AGBL4: variants seen among roughly 807,000 people sequenced by gnomAD.
AGBL4 encodes the protein cytosolic carboxypeptidase 6.
Under a neutral mutation model 66.4 loss-of-function variants are expected in AGBL4, and 58 were observed. That is an observed-to-expected ratio of 0.87 (90% confidence interval 0.71 to 1.09). The LOEUF (loss-of-function observed/expected upper bound fraction) is 1.09. AGBL4 is among the 50% of genes least tolerant of loss of function. The probability of loss-of-function intolerance (pLI) is 0.00; values close to 1 mark genes in which losing one functional copy is unlikely to be tolerated. For missense variants in AGBL4, 579 were observed against 631.0 expected, an observed-to-expected ratio of 0.92 and a Z score of 0.88; for synonymous variants, 234 against 222.9, an observed-to-expected ratio of 1.05 and a Z score of -0.44.
intron 1 of AGBL4, among the ~76,000 whole-genome samples, chr1:49,860,228 A>C (rs1322423695): frequency 6.6e-6 from 1 of 152,254 alleles, no homozygotes; most frequent in Non-Finnish European, 1.5e-5. Flanking sequence ...AAACTAAAAA[A>C]AATCAAAGCA....
chr1:49,293,429 A>C (rs1006257590), intron 3 of AGBL4, among the ~76,000 whole-genome samples: 3 of 152,252 alleles, frequency 2.0e-5, no homozygotes, highest in African/African-American at 4.8e-5. Flanking sequence ...TTCTGGCCAG[A>C]AAAACAACAA....
At chr1:48,556,173 A>G (rs1394119269) in intron 11 of AGBL4, among the ~76,000 whole-genome samples, 2 of 152,184 alleles carry the variant, frequency 1.3e-5, no homozygotes, top group South Asian at 2.1e-4. Context: ...AAAGCTGACA[A>G]TGATCCCACT....
At chr1:49,659,609 T>C (rs926195438) in intron 3 of AGBL4, among the ~76,000 whole-genome samples, 2 of 152,126 alleles carry the variant, frequency 1.3e-5, no homozygotes, top group African/African-American at 4.8e-5. Flanking sequence ...CCATCCTAAG[T>C]ATACACACAC....
intron 6 of AGBL4, among the ~76,000 whole-genome samples, chr1:48,823,482 T>C (rs923105534): frequency 6.6e-6 from 1 of 152,318 alleles, no homozygotes; most frequent in Non-Finnish European, 1.5e-5. Context: ...CCTGATTCTC[T>C]CCTTCTTCTT....
At chr1:49,448,043 T>C (rs1333247221) in intron 3 of AGBL4, among the ~76,000 whole-genome samples, 1 of 152,116 alleles carries the variant, frequency 6.6e-6, no homozygotes, top group African/African-American at 2.4e-5. Flanking sequence ...GAGTCAATGG[T>C]ATTTTCTCAT....
Position 48,874,201 on chromosome 1 carries a change from T to C in AGBL4, c.595-6971A>G, listed in dbSNP as rs2148832845. Reference sequence around the variant, plus strand: ...CGCCACAGGGGCATAAGCACACATTTGGCTTCAGGGCTCAAGCCCTTTCCT... The same window carrying C: ...CGCCACAGGGGCATAAGCACACATTCGGCTTCAGGGCTCAAGCCCTTTCCT... On this transcript the variant is annotated intron_variant, in intron 5 of 13. Transcript: ENST00000371839. 1.3e-5 allele frequency among the ~76,000 whole-genome samples: 2 copies of C among 152,294 alleles called. 1 individual carries two copies. The highest frequency in any genetic ancestry group is 4.1e-4 in the South Asian group (2 of 4,826).
intron 3 of AGBL4, among the ~76,000 whole-genome samples, chr1:49,344,908 T>G (rs1378157693): frequency 6.6e-6 from 1 of 152,204 alleles, no homozygotes; most frequent in African/African-American, 2.4e-5. Flanking sequence ...GTTTCACCTT[T>G]TCAGAATCTT....
At chr1:49,705,723 C>A (rs1279943913) in intron 2 of AGBL4, among the ~76,000 whole-genome samples, 3 of 151,782 alleles carry the variant, frequency 2.0e-5, no homozygotes, top group African/African-American at 7.3e-5. Context: ...CCATCATTAC[C>A]TAGTTTATTG....
At chr1:48,678,181 T>TA (rs1175460746) in intron 6 of AGBL4, among the ~76,000 whole-genome samples, 2 of 151,942 alleles carry the variant, frequency 1.3e-5, no homozygotes, top group Non-Finnish European at 1.5e-5. Context: ...CACGGTGGGG[T>TA]AACTGCACAG....
At chr1:49,391,120 C>A (rs1239593382) in intron 3 of AGBL4, among the ~76,000 whole-genome samples, 1 of 152,148 alleles carries the variant, frequency 6.6e-6, no homozygotes, top group Non-Finnish European at 1.5e-5. Context: ...CAGATCCTAG[C>A]ACTCTGTGGG....
chr1:48,657,600 A>G (rs1054114252), intron 7 of AGBL4, among the ~76,000 whole-genome samples: 2 of 152,170 alleles, frequency 1.3e-5, no homozygotes, highest in African/African-American at 4.8e-5. Flanking sequence ...CATGATAGTG[A>G]CCTGCAGGGG....
At chr1:49,486,840 T>A (rs1044247419) in intron 3 of AGBL4, among the ~76,000 whole-genome samples, 3 of 152,024 alleles carry the variant, frequency 2.0e-5, no homozygotes, top group Non-Finnish European at 4.4e-5. Flanking sequence ...GCTAGCCCCA[T>A]GTCTGTGTCT....
At chr1:49,860,140 A>C (rs1646532144) in intron 1 of AGBL4, among the ~76,000 whole-genome samples, 1 of 152,210 alleles carries the variant, frequency 6.6e-6, no homozygotes, top group African/African-American at 2.4e-5. Flanking sequence ...AATTCTCCAT[A>C]TATCGATCTA....
chr1:48,955,284 T>C (rs1657344631), intron 5 of AGBL4, among the ~76,000 whole-genome samples: 1 of 152,182 alleles, frequency 6.6e-6, no homozygotes, highest in African/African-American at 2.4e-5. Context: ...TTTTGATAAG[T>C]GGTCACCCTT....
intron 3 of AGBL4, among the ~76,000 whole-genome samples, chr1:49,347,278 G>A (rs1570486296): frequency 1.5e-5 from 2 of 134,740 alleles, no homozygotes; most frequent in African/African-American, 5.6e-5. Flanking sequence ...TTGAGATGGA[G>A]TCTTGCTCTG....
At chr1:49,815,632 C>A (rs559482417) in intron 2 of AGBL4, among the ~76,000 whole-genome samples, 2 of 152,220 alleles carry the variant, frequency 1.3e-5, no homozygotes, top group East Asian at 3.9e-4. Flanking sequence ...TTCTCATCAA[C>A]AGTATATGAG....
intron 9 of AGBL4, among the ~76,000 whole-genome samples, chr1:48,606,690 G>A (rs778595720): frequency 6.6e-6 from 1 of 152,148 alleles, no homozygotes; most frequent in Non-Finnish European, 1.5e-5. Flanking sequence ...TGGTGGTTTA[G>A]CTCTTGGCAT....
intron 3 of AGBL4, among the ~76,000 whole-genome samples, chr1:49,475,717 G>T (rs1646833036): frequency 6.6e-6 from 1 of 151,994 alleles, no homozygotes; most frequent in Admixed American, 6.6e-5. Context: ...TTTGTGCATA[G>T]AAATGTTCAC....
At chr1:49,896,400 A>G (rs1649201225) in intron 1 of AGBL4, among the ~76,000 whole-genome samples, 1 of 152,008 alleles carries the variant, frequency 6.6e-6, no homozygotes, top group South Asian at 2.1e-4. Context: ...GATTTTAACA[A>G]AGCATTTCAC....
Sources: gnomAD v4.1 joint callset for allele counts (sites outside exome capture counted in the v4.1 genomes callset) on GRCh38, gnomAD v4.1.1 for gene constraint, MANE v1.5 for transcripts, NCBI Gene and HGNC (gene_info 2026-07-23, HGNC 2026-07-21) for gene names.